ANGPT2: variants seen among roughly 807,000 people sequenced by gnomAD.
The protein encoded by ANGPT2 is angiopoietin 2, also known as angiopoietin-2.
In ANGPT2, 28 loss-of-function variants were observed where a neutral mutation model predicts 62.9. That is an observed-to-expected ratio of 0.44 (90% CI 0.33 to 0.61). The LOEUF is 0.61. Among genes scored for constraint, ANGPT2 ranks in the 20% least tolerant of loss-of-function variants. ANGPT2 has a pLI of 0.03. For synonymous variants in ANGPT2, 284 were observed against 207.8 expected (o/e 1.37, Z -3.15); for missense variants, 727 against 594.9 (o/e 1.22, Z -2.31).
chr8:6,528,059 C>A (rs941175993), intron 2 of ANGPT2, among the ~76,000 whole-genome samples: 1 of 128,118 alleles, frequency 7.8e-6, no homozygotes, highest in Non-Finnish European at 1.8e-5. Flanking sequence ...CCATACCCAG[C>A]TAATTTTTTA....
chr8:6,516,292 A>G (rs1386127780), intron 5 of ANGPT2, among the ~76,000 whole-genome samples: 1 of 152,208 alleles, frequency 6.6e-6, no homozygotes, highest in East Asian at 1.9e-4. Flanking sequence ...CTTTGTGTAT[A>G]TTATCTATAA....
At chr8:6,547,749 GACTC>G (rs1822859375) in intron 1 of ANGPT2, among the ~76,000 whole-genome samples, 1 of 152,128 alleles carries the variant, frequency 6.6e-6, no homozygotes, top group Admixed American at 6.5e-5. Context: ...CATCTCCACT[GACTC>G]ACTCGGTGGG....
intron 1 of ANGPT2, among the ~76,000 whole-genome samples, chr8:6,537,590 G>C (rs1820742017): frequency 6.6e-6 from 1 of 151,378 alleles, no homozygotes; most frequent in Non-Finnish European, 1.5e-5. Flanking sequence ...ATATTTTAGT[G>C]CAAAATATGT....
At chr8:6,561,672 A>AT (rs1825562447) in intron 1 of ANGPT2, among the ~76,000 whole-genome samples, 1 of 152,250 alleles carries the variant, frequency 6.6e-6, no homozygotes. Flanking sequence ...CTACTTAACA[A>AT]TTAATTTATG....
chr8:6,503,741 A>G (rs994913390), intron 8 of ANGPT2, among the ~76,000 whole-genome samples: 1 of 152,184 alleles, frequency 6.6e-6, no homozygotes, highest in African/African-American at 2.4e-5. Flanking sequence ...GAGCTACATA[A>G]AAAGGAAGTC....
intron 5 of ANGPT2, among the ~76,000 whole-genome samples, chr8:6,517,144 A>C (rs1816412979): frequency 6.6e-6 from 1 of 152,238 alleles, no homozygotes; most frequent in African/African-American, 2.4e-5. Context: ...GAAATTGATT[A>C]TATCAGGATC....
Position 6,499,895 on chromosome 8 carries a change from C to T in ANGPT2, c.*3206G>A, listed in dbSNP as rs199861426. On this transcript the variant is annotated 3_prime_UTR_variant, in exon 9 of 9. Coordinates refer to ENST00000629816, the MANE Select transcript of ANGPT2 (RefSeq NM_001118887.2). Reference sequence around the variant, plus strand: ...TTGGGTCACTGGATTTCTGAGGAGCCGTTCGAACTGTCTCACCACTTCCCT... The same window carrying T: ...TTGGGTCACTGGATTTCTGAGGAGCTGTTCGAACTGTCTCACCACTTCCCT... The T allele has an allele frequency of 1.1e-3, 1,817 of 1,613,522 alleles. 1 individual carries two copies. The highest frequency in any genetic ancestry group is 1.4e-3 in the Non-Finnish European group (1,659 of 1,179,974).
intron 8 of ANGPT2, chr8:6,507,572 C>CTTTTTTTTTTTTTT (rs35163014): frequency 9.5e-6 from 1 of 104,806 alleles, no homozygotes; most frequent in Non-Finnish European, 2.0e-5. Context: ...ACTTTCTTTT[C>CTTTTTTTTTTTTTT]TTTTTTTTTT....
chr8:6,521,475 A>G (rs1817324170), intron 3 of ANGPT2, 65 bp from the exon 4 acceptor site: 1 of 1,150,186 alleles, frequency 8.7e-7, no homozygotes, highest in African/African-American at 1.6e-5. Context: ...TATTTATTGA[A>G]TTTCTACTTC....
chr8:6,525,203 T>C (rs1818107248), intron 3 of ANGPT2, among the ~76,000 whole-genome samples: 1 of 152,174 alleles, frequency 6.6e-6, no homozygotes, highest in Non-Finnish European at 1.5e-5. Context: ...TTAATAATAA[T>C]TATTAGATAT....
chr8:6,549,516 G>A (rs149108312), intron 1 of ANGPT2, among the ~76,000 whole-genome samples: 5 of 152,282 alleles, frequency 3.3e-5, no homozygotes, highest in African/African-American at 1.2e-4. Flanking sequence ...TCTTGAGCTG[G>A]GCAGTCATTA....
intron 7 of ANGPT2, among the ~76,000 whole-genome samples, chr8:6,510,038 A>G (rs1814682619): frequency 1.3e-5 from 2 of 152,222 alleles, no homozygotes; most frequent in Admixed American, 6.5e-5. Flanking sequence ...TAAAGTCGAA[A>G]AATCTTAAGT....
At chr8:6,505,275 T>TACATATATATGTATATA (rs1554514616) in intron 8 of ANGPT2, among the ~76,000 whole-genome samples, 1 of 27,100 alleles carries the variant, frequency 3.7e-5, no homozygotes, top group Non-Finnish European at 6.2e-5. Context: ...TATATATGTA[T>TACATATATATGTATATA]ACATATATAT....
chr8:6,521,769 T>C (rs1341467237), intron 3 of ANGPT2, among the ~76,000 whole-genome samples: 1 of 152,214 alleles, frequency 6.6e-6, no homozygotes, highest in Non-Finnish European at 1.5e-5. Context: ...ATGAAGTGCT[T>C]TTTTGAGAAG....
At chr8:6,527,037 A>G (rs2129570649) in intron 3 of ANGPT2, among the ~76,000 whole-genome samples, 2 of 152,370 alleles carry the variant, frequency 1.3e-5, no homozygotes, top group South Asian at 4.1e-4. Context: ...TGTAGCTTTC[A>G]TACTATAGAC....
At chr8:6,517,860 G>A (rs2442625) in intron 5 of ANGPT2, among the ~76,000 whole-genome samples, 1 of 152,160 alleles carries the variant, frequency 6.6e-6, no homozygotes, top group South Asian at 2.1e-4. Flanking sequence ...CTTAAGTCTG[G>A]AAGGGAATTT....
intron 3 of ANGPT2, among the ~76,000 whole-genome samples, chr8:6,522,565 G>A (rs1817565970): frequency 6.6e-6 from 1 of 152,040 alleles, no homozygotes; most frequent in Admixed American, 6.6e-5. Flanking sequence ...CTAGAGTCCA[G>A]GAGCTTGAGA....
chr8:6,530,056 A>G (rs1458913833), intron 2 of ANGPT2, among the ~76,000 whole-genome samples: 1 of 151,998 alleles, frequency 6.6e-6, no homozygotes, highest in African/African-American at 2.4e-5. Flanking sequence ...GGATCTAACT[A>G]TTATTTTAAA....
intron 6 of ANGPT2, among the ~76,000 whole-genome samples, chr8:6,514,076 G>C (rs1815738202): frequency 6.6e-6 from 1 of 152,162 alleles, no homozygotes; most frequent in Non-Finnish European, 1.5e-5. Flanking sequence ...GAACTACTTG[G>C]GGAGCCACCA....
Sources: gnomAD v4.1 joint callset for allele counts (sites outside exome capture counted in the v4.1 genomes callset) on GRCh38, gnomAD v4.1.1 for gene constraint, MANE v1.5 for transcripts, NCBI Gene and HGNC (gene_info 2026-07-23, HGNC 2026-07-21) for gene names.